ESR1: variants seen among roughly 807,000 people sequenced by gnomAD.
ESR1 encodes the protein estrogen receptor.
A neutral mutation model predicts 52.7 loss-of-function variants in ESR1; 12 were observed. That is an observed-to-expected ratio of 0.23 (90% CI 0.15 to 0.37). ESR1 has a LOEUF of 0.37. ESR1 is among the 10% of genes least tolerant of loss of function. The pLI is 1.00. For missense variants in ESR1, 584 were observed against 779.7 expected, an observed-to-expected ratio of 0.75 and a Z score of 2.99; for synonymous variants, 305 against 316.8, an observed-to-expected ratio of 0.96 and a Z score of 0.39.
chr6:152,038,865 G>A (rs924175840), intron 5 of ESR1, among the ~76,000 whole-genome samples: 2 of 152,034 alleles, frequency 1.3e-5, no homozygotes, highest in East Asian at 1.9e-4. Flanking sequence ...TCCTGACCTC[G>A]TGATCCACCC....
At chr6:151,995,488 A>C (rs1444961451) in intron 4 of ESR1, among the ~76,000 whole-genome samples, 1 of 152,190 alleles carries the variant, frequency 6.6e-6, no homozygotes, top group Non-Finnish European at 1.5e-5. Flanking sequence ...GGTTAGCAAA[A>C]ATATATGGGA....
At position 152,125,291 on chromosome 6, in the gene ESR1, G is replaced by C. The variant is rs572679653; in HGVS notation, c.876G>C (p.Lys292Asn). ...GTATCTCACATGTAGAAGCAAAGAA[G>C]AGAATCCTGAACTTGCATCCTAAAA... Residue 292 changes from lysine (K) to asparagine (N), a missense_variant, in exon 7 of 7, where the codon AAG becomes AAC. Coordinates refer to the ESR1 transcript ENST00000427531. The C allele has an allele frequency of 9.0e-5, 139 of 1,550,452 alleles. 1 individual carries two copies. In the East Asian group the frequency reaches 3.3e-3, roughly 37 times the overall value.
chr6:152,038,109 C>T (rs778934383), intron 5 of ESR1, among the ~76,000 whole-genome samples: 1 of 152,104 alleles, frequency 6.6e-6, no homozygotes, highest in African/African-American at 2.4e-5. Flanking sequence ...GGCCCAAGAG[C>T]CCCTGGCAAA....
In ESR1 at chr6:151,791,158, G is replaced by A. The variant is rs189430044; in HGVS notation, c.-70-16685G>A. Among the ~76,000 whole-genome samples the A allele has an allele frequency of 3.2e-3, 481 of 152,256 alleles. 4 individuals carry two copies. Among genetic ancestry groups the A allele is most frequent in the African/African-American group, 0.011 (453 of 41,544 alleles). Reference sequence around the variant, plus strand: ...CATCTTTTGACTTTATCAGCTGTGTGGTGGATCTGTGGTTACAGGCTGATG... The same window carrying A: ...CATCTTTTGACTTTATCAGCTGTGTAGTGGATCTGTGGTTACAGGCTGATG... On this transcript the variant is annotated intron_variant, in intron 2 of 2. Transcript: ENST00000404742.
chr6:152,099,862 T>C lies in ESR1; in HGVS notation c.*896T>C, dbSNP rs779411589. 21 of 396,962 alleles carry C rather than the reference T, an allele frequency of 5.3e-5. No individual in the cohort carries two copies. Among genetic ancestry groups the C allele is most frequent in the Non-Finnish European group, 7.1e-5 (16 of 225,562 alleles). The allele number at this position is 396,962 out of a possible 1,614,324, so 24.6% of individuals were successfully genotyped here. A position where few individuals can be genotyped will look rare whatever the true frequency, so the allele number is the denominator to read the frequency against. On this transcript the variant is annotated 3_prime_UTR_variant, in exon 8 of 8. Coordinates refer to ENST00000206249, the MANE Select transcript of ESR1 (RefSeq NM_000125.4). ...TTCCAGTGGGCACTGTACTTGGATC[T>C]TCCCGGCGTGTGTGTGCCTTACACA...
intron 7 of ESR1, chr6:152,096,790 C>T (rs1426262688): frequency 5.0e-6 from 2 of 399,898 alleles, no homozygotes; most frequent in African/African-American, 4.1e-5. Flanking sequence ...AGAGGGAAGC[C>T]ATGAGTGGAT....
At chr6:152,107,330 T>C (rs1423067075), downstream of ESR1, among the ~76,000 whole-genome samples, 1 of 152,240 alleles carries the variant, frequency 6.6e-6, no homozygotes, top group Non-Finnish European at 1.5e-5. Context: ...ATAATTTCTA[T>C]TCATTTATCT....
intron 2 of ESR1, among the ~76,000 whole-genome samples, chr6:151,724,370 A>C (rs1197903442): frequency 6.6e-6 from 1 of 152,168 alleles, no homozygotes; most frequent in Non-Finnish European, 1.5e-5. Flanking sequence ...AAGCTCCTAC[A>C]ACCCACGAAG....
At position 151,711,835 on chromosome 6, in the gene ESR1, G is replaced by A. The variant is rs150679518; in HGVS notation, c.-71+9830G>A. Among the ~76,000 whole-genome samples the A allele has an allele frequency of 2.9e-3, 440 of 152,296 alleles. 5 individuals carry two copies. Among genetic ancestry groups the A allele is most frequent in the East Asian group, 0.019 (97 of 5,190 alleles). On this transcript the variant is annotated intron_variant, in intron 2 of 2. Transcript: ENST00000404742. ...TGATGATAGTTTCTTTTGCTATGCA[G>A]AAGCTGTTTAGTTTAATTAGATCCC...
Position 151,876,400 on chromosome 6 carries a change from C to T in ESR1, c.644-4255C>T, listed in dbSNP as rs569064692. Among the ~76,000 whole-genome samples, 18 of 152,156 alleles carry T rather than the reference C, an allele frequency of 1.2e-4. 1 individual carries two copies. In the South Asian group the frequency reaches 2.1e-3, roughly 18 times the overall value. ...TGAAGTGACCACCAGAAAATACTGA[C>T]GGAAAAGAGGTGACAAAAGGAGAGA... On this transcript the variant is annotated intron_variant, in intron 2 of 7. Transcript: ENST00000206249.
chr6:151,842,812 C>A (rs750516960), intron 2 of ESR1, 25 bp downstream of exon 2: 25 of 1,605,862 alleles, frequency 1.6e-5, no homozygotes, highest in East Asian at 2.2e-5. Flanking sequence ...AAAACGACTT[C>A]TATTTTTGAT....
chr6:152,046,459 TGCAAGA>T (rs1227036999), intron 5 of ESR1, among the ~76,000 whole-genome samples: 7 of 152,228 alleles, frequency 4.6e-5, no homozygotes, highest in African/African-American at 1.7e-4. Context: ...AGTACTTATA[TGCAAGA>T]GCTTCAAGAA....
rs538969809 is a variant in ESR1, at chr6:151,680,328, C to T, written n.74-21547C>T. On this transcript the variant is annotated intron_variant and non_coding_transcript_variant, in intron 1 of 2. Coordinates refer to the ESR1 transcript ENST00000473497. ...AAGTGAGTCTCCTGCCTCAGCCTCC[C>T]GAGTAGCTGGGACTACAGGTGCACA... 3.4e-3 allele frequency among the ~76,000 whole-genome samples: 519 copies of T among 151,960 alleles called. 2 individuals carry two copies. The highest frequency in any genetic ancestry group is 5.1e-3 in the Non-Finnish European group (349 of 67,958).
intron 6 of ESR1, among the ~76,000 whole-genome samples, chr6:152,116,892 C>G (rs1323626110): frequency 6.6e-6 from 1 of 152,070 alleles, no homozygotes; most frequent in Non-Finnish European, 1.5e-5. Flanking sequence ...ATATGGAAAC[C>G]AATTGTTCGG....
intron 4 of ESR1, among the ~76,000 whole-genome samples, chr6:151,954,564 G>C (rs1322609263): frequency 6.6e-6 from 1 of 152,208 alleles, no homozygotes; most frequent in Non-Finnish European, 1.5e-5. Flanking sequence ...ACGGTGGGCA[G>C]TTCCGTCTCT....
intron 1 of ESR1, among the ~76,000 whole-genome samples, chr6:151,833,802 G>A (rs1782832660): frequency 6.6e-6 from 1 of 152,154 alleles, no homozygotes; most frequent in Admixed American, 6.5e-5. Flanking sequence ...TGTCTTCAAG[G>A]TGCTGGAGGA....
At chr6:151,833,112 A>G (rs1480621168) in intron 1 of ESR1, among the ~76,000 whole-genome samples, 1 of 152,182 alleles carries the variant, frequency 6.6e-6, no homozygotes, top group Non-Finnish European at 1.5e-5. Context: ...TTTGACCAAC[A>G]TAGAAAGGAG....
intron 1 of ESR1, among the ~76,000 whole-genome samples, chr6:151,678,690 T>A (rs1235295171): frequency 6.6e-6 from 1 of 151,110 alleles, no homozygotes; most frequent in Non-Finnish European, 1.5e-5. Flanking sequence ...ACCACTGGTT[T>A]TTTTTTTTTT....
At chr6:152,128,912 T>C (rs1432423633) in exon 7 of ESR1, 1 of 152,224 alleles carries the variant, frequency 6.6e-6, no homozygotes, top group Non-Finnish European at 1.5e-5. Context: ...CCCAAGAATG[T>C]TCAACCACAA....
Sources: allele counts gnomAD v4.1 joint callset (sites outside exome capture counted in the v4.1 genomes callset), GRCh38; gene constraint gnomAD v4.1.1; transcripts MANE v1.5; gene names NCBI Gene and HGNC (gene_info 2026-07-23, HGNC 2026-07-21).